GABRA2: variants seen among roughly 807,000 people sequenced by gnomAD.
GABRA2 encodes the protein gamma-aminobutyric acid receptor subunit alpha-2.
In GABRA2, 16 loss-of-function variants were observed where a neutral mutation model predicts 48.7. The ratio of observed to expected loss-of-function variants is 0.33; its 90% CI spans 0.22 to 0.50. The LOEUF (loss-of-function observed/expected upper bound fraction) is 0.50, where lower values mean the gene tolerates loss of function less well. GABRA2 is among the 20% of genes least tolerant of loss of function. The probability of loss-of-function intolerance (pLI) is 0.98; values close to 1 mark genes in which losing one functional copy is unlikely to be tolerated. For synonymous variants in GABRA2, 185 were observed against 184.5 expected (o/e 1.00, Z -0.02); for missense variants, 275 against 535.6 (o/e 0.51, Z 4.80).
intron 3 of GABRA2, among the ~76,000 whole-genome samples, chr4:46,347,704 C>A (rs1470649269): frequency 6.6e-6 from 1 of 151,492 alleles, no homozygotes; most frequent in Non-Finnish European, 1.5e-5. Flanking sequence ...TGGATATGAC[C>A]CAAGAAGCAC....
intron 4 of GABRA2, among the ~76,000 whole-genome samples, chr4:46,321,446 C>T (rs1198465667): frequency 6.6e-6 from 1 of 151,914 alleles, no homozygotes; most frequent in East Asian, 1.9e-4. Flanking sequence ...ATTATAAGTG[C>T]ACTAAAATAT....
At chr4:46,368,945 G>A (rs1335768686) in intron 3 of GABRA2, 1 of 696,264 alleles carries the variant, frequency 1.4e-6, no homozygotes, top group Non-Finnish European at 2.6e-6. Context: ...ATTTGAGTTT[G>A]GGTCCCTTTG....
intron 3 of GABRA2, 21 bp from the exon 4 acceptor site, chr4:46,332,703 G>A (rs1731571693): frequency 1.5e-6 from 2 of 1,331,724 alleles, no homozygotes; most frequent in African/African-American, 1.4e-5. Flanking sequence ...AAAAGAGATT[G>A]AATATAGATA....
chr4:46,321,371 A>G (rs1729422623), intron 4 of GABRA2, among the ~76,000 whole-genome samples: 1 of 151,946 alleles, frequency 6.6e-6, no homozygotes, highest in South Asian at 2.1e-4. Flanking sequence ...CTCTTACTGG[A>G]AAAAAAGTAA....
intron 3 of GABRA2, among the ~76,000 whole-genome samples, chr4:46,359,270 C>T (rs1284074310): frequency 2.6e-5 from 4 of 152,062 alleles, no homozygotes; most frequent in Admixed American, 6.5e-5. Context: ...ATTCTACTTT[C>T]GTTGTAAAGT....
At chr4:46,306,083 C>A (rs745488458) in intron 6 of GABRA2, among the ~76,000 whole-genome samples, 2 of 152,092 alleles carry the variant, frequency 1.3e-5, no homozygotes, top group Non-Finnish European at 2.9e-5. Flanking sequence ...AAATAGCAAT[C>A]ACTCATAAGA....
At chr4:46,309,438 T>G (rs1302353633) in intron 6 of GABRA2, among the ~76,000 whole-genome samples, 2 of 151,976 alleles carry the variant, frequency 1.3e-5, no homozygotes, top group Non-Finnish European at 2.9e-5. Flanking sequence ...GGTCAGGCAA[T>G]AGGACACCCT....
At chr4:46,385,983 T>G in intron 3 of GABRA2, 91 bp downstream of exon 3, 1 of 716,158 alleles carries the variant, frequency 1.4e-6, no homozygotes, top group Non-Finnish European at 2.4e-6. Flanking sequence ...AGTGATGCAT[T>G]CATATATAAA....
chr4:46,366,337 A>G (rs1253812828), intron 3 of GABRA2: 1 of 152,136 alleles, frequency 6.6e-6, no homozygotes, highest in African/African-American at 2.4e-5. Context: ...TAAACAAATA[A>G]AAGAATGAAA....
chr4:46,335,625 C>A (rs1732095782), intron 3 of GABRA2, among the ~76,000 whole-genome samples: 1 of 152,108 alleles, frequency 6.6e-6, no homozygotes, highest in African/African-American at 2.4e-5. Flanking sequence ...AGACGCACAC[C>A]ACGTCCAGCT....
intron 8 of GABRA2, among the ~76,000 whole-genome samples, chr4:46,291,270 G>T (rs1422505467): frequency 1.3e-5 from 2 of 152,056 alleles, no homozygotes; most frequent in African/African-American, 4.8e-5. Context: ...ACTTATAATA[G>T]GTCTGTTGAG....
chr4:46,314,318 A>G (rs1489198225), intron 4 of GABRA2, among the ~76,000 whole-genome samples: 3 of 152,102 alleles, frequency 2.0e-5, no homozygotes, highest in Admixed American at 6.6e-5. Context: ...TTCAAATTCT[A>G]TATTTCACTT....
chr4:46,250,379 A>G lies in GABRA2; in HGVS notation c.1285T>C (p.Phe429Leu). 1 of 1,611,650 alleles carries G rather than the reference A, an allele frequency of 6.2e-7. No individual in the cohort carries two copies. Among genetic ancestry groups the G allele is most frequent in the Non-Finnish European group, 8.5e-7 (1 of 1,178,452 alleles). Residue 429 changes from phenylalanine (F) to leucine (L), a missense_variant, in exon 10 of 10, where the codon TTT (phenylalanine) becomes CTT (leucine). Around this residue, in one of 4 missense-constraint regions of GABRA2, gnomAD observed 99 missense variants for 124.3 expected, o/e 0.80. Transcript: ENST00000381620. ...RMSRIVFPVL[F>L]GTFNLVYWAT... ...CAGTAAACTAAATTAAAGGTACCAA[A>G]CAAAACTGGAAAAACTATTCTGGAC...
Position 46,250,322 on chromosome 4 carries a change from C to CT in GABRA2, c.1341dup (p.Gly448ArgfsTer7), listed in dbSNP as rs773244370. 2 of 1,610,172 alleles carry CT rather than the reference C, an allele frequency of 1.2e-6. No homozygotes were observed. The highest frequency in any genetic ancestry group is 1.7e-6 in the Non-Finnish European group (2 of 1,177,744). ...TGGGTCTCAATTCAAGGACTGACCC[C>CT]TAATACAGGTTCTCTGTTTAAATAT... On this transcript the variant is annotated frameshift_variant, in exon 10 of 10. Transcript: ENST00000381620. LOFTEE classifies it high-confidence loss of function.
chr4:46,348,178 T>A (rs1038699746), intron 3 of GABRA2, among the ~76,000 whole-genome samples: 21 of 152,082 alleles, frequency 1.4e-4, no homozygotes, highest in Non-Finnish European at 2.9e-4. Flanking sequence ...GAAAAAATGC[T>A]CATCATCACT....
chr4:46,383,221 A>G (rs1191181088), intron 3 of GABRA2, among the ~76,000 whole-genome samples: 1 of 152,214 alleles, frequency 6.6e-6, no homozygotes, highest in Non-Finnish European at 1.5e-5. Flanking sequence ...AAAAAATTTA[A>G]GAATGTCATT....
intron 9 of GABRA2, among the ~76,000 whole-genome samples, chr4:46,253,865 A>AG (rs1715286339): frequency 6.6e-6 from 1 of 151,478 alleles, no homozygotes; most frequent in Non-Finnish European, 1.5e-5. Context: ...CTTATTTTAA[A>AG]GGGGAAAATA....
At chr4:46,338,641 G>A (rs113420283) in intron 3 of GABRA2, among the ~76,000 whole-genome samples, 6 of 151,954 alleles carry the variant, frequency 3.9e-5, no homozygotes, top group African/African-American at 1.4e-4. Flanking sequence ...TCGTCCATAT[G>A]TGTGCCAATT....
chr4:46,371,395 C>T (rs1489453822), intron 3 of GABRA2, among the ~76,000 whole-genome samples: 5 of 151,920 alleles, frequency 3.3e-5, no homozygotes, highest in African/African-American at 1.2e-4. Flanking sequence ...ACCATAATAC[C>T]AAATTCAGAT....
Sources: allele counts gnomAD v4.1 joint callset (sites outside exome capture counted in the v4.1 genomes callset), GRCh38; gene constraint gnomAD v4.1.1; regional missense constraint gnomAD v4.1.1; transcripts MANE v1.5; gene names NCBI Gene and HGNC (gene_info 2026-07-23, HGNC 2026-07-21).